The following MTOR variants were observed in gnomAD, a reference collection of about 807,000 sequenced individuals.
MTOR encodes serine/threonine-protein kinase mTOR.
MTOR carries 70 observed loss-of-function variants against 319.8 expected under a neutral mutation model. That is an observed-to-expected ratio of 0.22 (90% CI 0.18 to 0.27). The LOEUF is 0.27. Ranked by LOEUF, MTOR falls within the 10% of genes least tolerant of loss-of-function variation. The probability of loss-of-function intolerance (pLI) is 1.00; values close to 1 mark genes in which losing one functional copy is unlikely to be tolerated. For missense variants in MTOR, 1,890 were observed against 3,274.4 expected, an observed-to-expected ratio of 0.58 and a Z score of 10.32; for synonymous variants, 1,183 against 1,211.4, an observed-to-expected ratio of 0.98 and a Z score of 0.49.
intron 34 of MTOR, among the ~76,000 whole-genome samples, chr1:11,142,757 A>G (rs1193975198): frequency 6.6e-6 from 1 of 152,208 alleles, no homozygotes; most frequent in Non-Finnish European, 1.5e-5. Context: ...TTTAGCTATG[A>G]TAAGATGCAG....
At chr1:11,173,894 C>T (rs1328088899) in intron 28 of MTOR, among the ~76,000 whole-genome samples, 2 of 152,174 alleles carry the variant, frequency 1.3e-5, no homozygotes, top group South Asian at 2.1e-4. Flanking sequence ...CCTTCTGGCA[C>T]TCCATCACGG....
At position 11,112,897 on chromosome 1, in the gene MTOR, G is replaced by T; in HGVS notation, c.7321C>A (p.Arg2441=). The part of the protein sequence containing the change: ...LMDTNTKGNK[R]SRTRTDSYSA... ...TAGGAATCCGTCCTCGTTCGGGATC[G>T]CTTGTTGCCTTTGGTATTTGCTAGG... is the stretch of plus-strand genomic sequence containing the variant. The change falls in exon 54 of 58, where the codon CGA becomes AGA. Residue 2441 remains arginine, a synonymous_variant. Transcript: ENST00000361445. 2 of 1,614,160 alleles carry T rather than the reference G, an allele frequency of 1.2e-6. No homozygotes were observed. The highest frequency in any genetic ancestry group is 1.3e-5 in the African/African-American group (1 of 75,052).
intron 29 of MTOR, among the ~76,000 whole-genome samples, chr1:11,165,062 A>C (rs951773072): frequency 5.3e-5 from 8 of 152,226 alleles, no homozygotes; most frequent in Non-Finnish European, 2.9e-5. Context: ...TCATGCTAAA[A>C]ACTCTCAATA....
intron 36 of MTOR, among the ~76,000 whole-genome samples, chr1:11,135,410 A>C (rs2100456378): frequency 6.6e-6 from 1 of 152,358 alleles, no homozygotes; most frequent in South Asian, 2.1e-4. Flanking sequence ...GAAAGGAAAC[A>C]TTATATGAGA....
chr1:11,132,850 C>T, intron 38 of MTOR: 1 of 494,226 alleles, frequency 2.0e-6, no homozygotes, highest in Non-Finnish European at 3.6e-6. Context: ...ACACCACATA[C>T]ACATAATAAT....
rs140070814 is a variant in MTOR at position 11,110,319 on chromosome 1, G to C, written c.7367-590C>G. On this transcript the variant is annotated intron_variant, in intron 54 of 57. Transcript: ENST00000361445. ...TCCACTGATTATGGCTTTTAGCAGA[G>C]AAGAGTCTGAAATCAGAATTATGAA... Among the ~76,000 whole-genome samples the C allele has an allele frequency of 5.9e-5, 9 of 152,330 alleles. No homozygotes were observed. The East Asian group carries it at 1.5e-3, about 26-fold the overall frequency.
intron 38 of MTOR, 72 bp from the exon 39 acceptor site, chr1:11,130,849 C>A (rs931769642): frequency 1.3e-6 from 2 of 1,506,208 alleles, no homozygotes; most frequent in South Asian, 2.5e-5. Flanking sequence ...AGCGCAAGGT[C>A]GATGCTGAGG....
chr1:11,157,066 T>A (rs2100565637), intron 30 of MTOR, 86 bp downstream of exon 30: 1 of 1,465,650 alleles, frequency 6.8e-7, no homozygotes, highest in East Asian at 2.4e-5. Flanking sequence ...GAGAACTCCG[T>A]GTGGGGGAAG....
At position 11,133,259 on chromosome 1, in the gene MTOR, C is replaced by A; in HGVS notation, c.5247-62G>T. 1 of 1,407,468 alleles carries A rather than the reference C, an allele frequency of 7.1e-7. No individual in the cohort carries two copies. Among genetic ancestry groups the A allele is most frequent in the South Asian group, 1.2e-5 (1 of 86,346 alleles). 87.2% of individuals were successfully genotyped at this position (1,407,468 alleles called of 1,614,324 possible). A position where few individuals can be genotyped will look rare whatever the true frequency, so the allele number is the denominator to read the frequency against. On this transcript the variant is annotated intron_variant, in intron 37 of 57. Coordinates refer to ENST00000361445, the MANE Select transcript of MTOR (RefSeq NM_004958.4). This position sits in a 1 kb window ranked among gnomAD's most constrained non-coding sequence, Gnocchi z 4.0. ...CCTCAAAACAGCCCTCCTAAGAGGA[C>A]CACAAATTGTTAGGGGACACTGAAG... is the stretch of plus-strand genomic sequence containing the variant.
rs554266350 is a variant in MTOR, at chr1:11,202,464, T to C, written c.3944+2097A>G. ...AAAGATTTACTATTTAAAACAATAT[T>C]TTTTTTGGCGGGGTTGAGGGATGAG... On this transcript the variant is annotated intron_variant, in intron 26 of 57. Transcript: ENST00000361445. 1.8e-4 allele frequency among the ~76,000 whole-genome samples: 27 copies of C among 151,156 alleles called. No homozygotes were observed. In the Middle Eastern group the frequency reaches 0.01, roughly 58 times the overall value.
intron 19 of MTOR, among the ~76,000 whole-genome samples, chr1:11,223,488 G>T (rs1004548273): frequency 2.0e-5 from 3 of 152,094 alleles, no homozygotes; most frequent in African/African-American, 7.2e-5. Flanking sequence ...GGCGATGGAG[G>T]TAAGAGATAA....
At chr1:11,187,452 C>T (rs1645357746) in intron 28 of MTOR, among the ~76,000 whole-genome samples, 1 of 152,176 alleles carries the variant, frequency 6.6e-6, no homozygotes, top group African/African-American at 2.4e-5. Context: ...ACAGGGTTCA[C>T]ACTCCTGTGA....
intron 46 of MTOR, among the ~76,000 whole-genome samples, chr1:11,125,644 C>T (rs1300979695): frequency 2.0e-5 from 3 of 149,836 alleles, no homozygotes; most frequent in Admixed American, 1.3e-4. Context: ...GCACGAGAAT[C>T]GCTTGAACTC....
chr1:11,117,595 G>C (rs1642238602), intron 49 of MTOR, among the ~76,000 whole-genome samples: 1 of 152,150 alleles, frequency 6.6e-6, no homozygotes, highest in South Asian at 2.1e-4. Context: ...TTAAAGATCT[G>C]AGTAAATGAA....
At chr1:11,148,628 G>A (rs1344636557) in intron 31 of MTOR, among the ~76,000 whole-genome samples, 1 of 152,072 alleles carries the variant, frequency 6.6e-6, no homozygotes, top group South Asian at 2.1e-4. Flanking sequence ...AGGGCCAGGC[G>A]CTGTGGCTCA....
At chr1:11,238,154 G>A (rs759049691) in intron 12 of MTOR, 106 bp from the exon 13 acceptor site, 22 of 1,133,636 alleles carry the variant, frequency 1.9e-5, no homozygotes, top group Non-Finnish European at 2.8e-5. Context: ...GATTCCAGAT[G>A]CTTTTTCTCA....
intron 28 of MTOR, chr1:11,193,865 A>C (rs1296303913): frequency 7.9e-7 from 1 of 1,272,930 alleles, no homozygotes; most frequent in African/African-American, 1.5e-5. Flanking sequence ...ATTCTGATTC[A>C]AGACAAATCT....
At chr1:11,145,214 G>T in intron 32 of MTOR, 169 bp from the exon 33 acceptor site, 4 of 613,386 alleles carry the variant, frequency 6.5e-6, no homozygotes, top group South Asian at 2.0e-5. Flanking sequence ...CTTGAGAGGA[G>T]GTATTATCCA....
At chr1:11,210,234 C>T (rs1646266679) in intron 24 of MTOR, among the ~76,000 whole-genome samples, 1 of 152,202 alleles carries the variant, frequency 6.6e-6, no homozygotes, top group Non-Finnish European at 1.5e-5. Context: ...GCAATCACAG[C>T]TCACTGCAGC....
Sources: allele counts gnomAD v4.1 joint callset (sites outside exome capture counted in the v4.1 genomes callset), GRCh38; gene constraint gnomAD v4.1.1; non-coding constraint Gnocchi (gnomAD v3.1); transcripts MANE v1.5; gene names NCBI Gene and HGNC (gene_info 2026-07-23, HGNC 2026-07-21).